Variants in RPRD2 observed in about 807,000 individuals in gnomAD.
RPRD2 encodes the protein regulation of nuclear pre-mRNA domain-containing protein 2.
A neutral mutation model predicts 104.4 loss-of-function variants in RPRD2; 12 were observed. The observed-to-expected ratio is 0.11, with a 90% CI of 0.07 to 0.19. The LOEUF is 0.19. RPRD2 is among the 10% of genes least tolerant of loss of function. The probability of loss-of-function intolerance (pLI) is 1.00; values close to 1 mark genes in which losing one functional copy is unlikely to be tolerated. For synonymous variants in RPRD2, 714 were observed against 684.9 expected (o/e 1.04, Z -0.66); for missense variants, 1,543 against 1,790.1 (o/e 0.86, Z 2.49).
At chr1:150,444,130 TTTG>T (rs1666598827) in intron 5 of RPRD2, 118 bp from the exon 6 acceptor site, 5 of 955,360 alleles carry the variant, frequency 5.2e-6, no homozygotes, top group Non-Finnish European at 7.5e-6. Context: ...CTCCCAGGGT[TTTG>T]TTAAGCTTTA....
Position 150,473,263 on chromosome 1 carries a change from C to G in RPRD2, c.4315C>G (p.Pro1439Ala). ...AGACCCATTTCACAGTTTAAAGAGA[C>G]CCAGGCCACCTTTTGCTAGGGGCCC... ...SRDPFHSLKR[P>A]RPPFARGPPF... Residue 1439 changes from proline to alanine, a missense_variant, in exon 11 of 11, where the codon CCC becomes GCC. Physicochemically the swap from Pro to Ala is conservative, Grantham distance 27. This residue lies in a region of RPRD2 where 880 missense variants were observed against 885.6 expected (regional missense o/e 0.99). Transcript: ENST00000369068. 1 of 1,613,916 alleles carries G rather than the reference C, an allele frequency of 6.2e-7. No individual in the cohort carries two copies. The highest frequency in any genetic ancestry group is 8.5e-7 in the Non-Finnish European group (1 of 1,179,828).
chr1:150,455,553 A>G (rs1667471127), intron 7 of RPRD2, among the ~76,000 whole-genome samples: 1 of 151,896 alleles, frequency 6.6e-6, no homozygotes, highest in Admixed American at 6.6e-5. Flanking sequence ...AGAGGAGTCT[A>G]AGGAGAAAGA....
intron 2 of RPRD2, among the ~76,000 whole-genome samples, chr1:150,420,017 G>C (rs1664652176): frequency 6.6e-6 from 1 of 152,182 alleles, no homozygotes; most frequent in Non-Finnish European, 1.5e-5. Context: ...GAGGCAGAGA[G>C]CCAGATTCCC....
intron 1 of RPRD2, among the ~76,000 whole-genome samples, chr1:150,395,584 C>G (rs1572389144): frequency 6.8e-6 from 1 of 147,132 alleles, no homozygotes; most frequent in East Asian, 2.0e-4. Context: ...ACCATCTTGG[C>G]TCATTGCAAC....
At chr1:150,428,011 T>C (rs1665278943) in intron 2 of RPRD2, among the ~76,000 whole-genome samples, 1 of 152,192 alleles carries the variant, frequency 6.6e-6, no homozygotes, top group South Asian at 2.1e-4. Context: ...CTAATAAAAA[T>C]TTTTGAGTTT....
intron 7 of RPRD2, among the ~76,000 whole-genome samples, chr1:150,456,190 T>A (rs1182974921): frequency 1.3e-5 from 2 of 150,150 alleles, no homozygotes; most frequent in Admixed American, 1.3e-4. Context: ...TTGGATTTGA[T>A]TTTTTTTTTC....
At chr1:150,458,897 G>A (rs2102408497) in intron 8 of RPRD2, among the ~76,000 whole-genome samples, 1 of 152,296 alleles carries the variant, frequency 6.6e-6, no homozygotes, top group South Asian at 2.1e-4. Context: ...GCCTGCCTCG[G>A]CCTCTCAAAG....
chr1:150,471,380 C>T lies in RPRD2; in HGVS notation c.2432C>T (p.Ser811Phe). The T allele has an allele frequency of 6.2e-7, 1 of 1,613,876 alleles. No homozygotes were observed. Among genetic ancestry groups the T allele is most frequent in the Non-Finnish European group, 8.5e-7 (1 of 1,179,878 alleles). ...KQPSDGMERP[S>F]SLMDSSQEKF... ...CCTTCTGATGGAATGGAGAGACCAT[C>T]TTCCCTGATGGACTCTTCACAGGAA... The change falls in exon 11 of 11, where the codon TCT (serine) becomes TTT (phenylalanine). Residue 811 changes from serine (S) to phenylalanine (F), a missense_variant. Physicochemically the swap from Ser to Phe is radical, Grantham distance 155. Coordinates refer to ENST00000369068, the MANE Select transcript of RPRD2 (RefSeq NM_015203.5). This position sits in a 1 kb window ranked among gnomAD's most constrained non-coding sequence, Gnocchi z 5.3.
At chr1:150,364,948 A>G in intron 1 of RPRD2, 29 bp downstream of exon 1, 1 of 1,607,946 alleles carries the variant, frequency 6.2e-7, no homozygotes, top group Non-Finnish European at 8.5e-7. Flanking sequence ...TAGGGAAGGG[A>G]AGACTGGGGA....
At chr1:150,453,652 A>T (rs1000046427) in intron 7 of RPRD2, among the ~76,000 whole-genome samples, 5 of 152,134 alleles carry the variant, frequency 3.3e-5, no homozygotes, top group African/African-American at 1.2e-4. Flanking sequence ...TGTTACGGGT[A>T]TGTTAGTGGT....
intron 2 of RPRD2, among the ~76,000 whole-genome samples, chr1:150,437,927 CTGT>C (rs1666119472): frequency 6.7e-6 from 1 of 148,724 alleles, no homozygotes; most frequent in Non-Finnish European, 1.5e-5. Context: ...AGAACAGACT[CTGT>C]TGTCACTTCT....
At chr1:150,423,613 C>T (rs900509987) in intron 2 of RPRD2, among the ~76,000 whole-genome samples, 9 of 151,944 alleles carry the variant, frequency 5.9e-5, no homozygotes, top group Non-Finnish European at 8.8e-5. Flanking sequence ...AAATAATGAG[C>T]TTGGTACCAG....
chr1:150,411,052 C>T (rs899344886), intron 1 of RPRD2, among the ~76,000 whole-genome samples: 6 of 152,108 alleles, frequency 3.9e-5, no homozygotes, highest in African/African-American at 1.4e-4. Flanking sequence ...GGAGAGATAG[C>T]GTCTTATTGT....
intron 1 of RPRD2, among the ~76,000 whole-genome samples, chr1:150,414,454 A>G (rs1664188906): frequency 6.6e-6 from 1 of 151,698 alleles, no homozygotes; most frequent in Non-Finnish European, 1.5e-5. Flanking sequence ...ACACTATGCT[A>G]TGAGTAGAGA....
At chr1:150,470,439 G>A (rs1282764030) in intron 10 of RPRD2, 122 bp from the exon 11 acceptor site, 3 of 971,898 alleles carry the variant, frequency 3.1e-6, no homozygotes, top group Admixed American at 2.9e-5. Flanking sequence ...ATTCCTTTTG[G>A]CCTTACACTT....
At chr1:150,376,767 T>C (rs1220297597) in intron 1 of RPRD2, among the ~76,000 whole-genome samples, 1 of 151,730 alleles carries the variant, frequency 6.6e-6, no homozygotes, top group Non-Finnish European at 1.5e-5. Context: ...CCCAAAGTGC[T>C]GGGATTACAG....
intron 1 of RPRD2, among the ~76,000 whole-genome samples, chr1:150,370,865 C>A (rs182952974): frequency 6.6e-6 from 1 of 152,020 alleles, no homozygotes; most frequent in Admixed American, 6.6e-5. Flanking sequence ...CATGAGCCAC[C>A]GCACTCTTCT....
intron 7 of RPRD2, among the ~76,000 whole-genome samples, chr1:150,454,645 C>T (rs950233704): frequency 7.9e-5 from 12 of 151,984 alleles, no homozygotes; most frequent in Non-Finnish European, 1.3e-4. Flanking sequence ...GTCAGGAGTT[C>T]GAGATCAACC....
intron 1 of RPRD2, among the ~76,000 whole-genome samples, chr1:150,385,614 A>G (rs981691767): frequency 2.6e-5 from 4 of 152,250 alleles, no homozygotes; most frequent in African/African-American, 9.6e-5. Flanking sequence ...ATTAGCTCCT[A>G]CTGGCTTTGC....
Sources: gnomAD v4.1 joint callset for allele counts (sites outside exome capture counted in the v4.1 genomes callset) on GRCh38, gnomAD v4.1.1 for gene constraint, gnomAD v4.1.1 regional missense constraint, Gnocchi (gnomAD v3.1) non-coding constraint, MANE v1.5 for transcripts, NCBI Gene and HGNC (gene_info 2026-07-23, HGNC 2026-07-21) for gene names.